SLC2A9: variants seen among roughly 807,000 people sequenced by gnomAD.
SLC2A9 encodes the protein solute carrier family 2, facilitated glucose transporter member 9.
SLC2A9 carries 39 observed loss-of-function variants against 50.6 expected under a neutral mutation model. The observed-to-expected ratio is 0.77, with a 90% CI of 0.60 to 1.01. SLC2A9 has a LOEUF of 1.01. Among genes scored for constraint, SLC2A9 ranks in the 50% least tolerant of loss-of-function variants. SLC2A9 has a pLI of 0.00. For synonymous variants in SLC2A9, 324 were observed against 276.9 expected (o/e 1.17, Z -1.69); for missense variants, 686 against 677.6 (o/e 1.01, Z -0.14).
At position 9,981,682 on chromosome 4, in the gene SLC2A9, T is replaced by G. The variant is rs114930336; in HGVS notation, c.536-945A>C. 9.4e-3 allele frequency among the ~76,000 whole-genome samples: 1,438 copies of G among 152,296 alleles called. 28 individuals are homozygous for G. Among genetic ancestry groups the G allele is most frequent in the African/African-American group, 0.033 (1,387 of 41,542 alleles). ...CTTGTCATAAATTATGGGACTCCGT[T>G]ATGGCAGATGCTATTATACTCATTT... On this transcript the variant is annotated intron_variant, in intron 4 of 11. Transcript: ENST00000264784.
At chr4:9,857,082 C>A (rs776084321) in intron 10 of SLC2A9, among the ~76,000 whole-genome samples, 1 of 152,070 alleles carries the variant, frequency 6.6e-6, no homozygotes. Flanking sequence ...ATATATCAAA[C>A]CTGCACATGT....
intron 7 of SLC2A9, among the ~76,000 whole-genome samples, chr4:9,912,137 T>C (rs1248983504): frequency 1.3e-5 from 2 of 152,054 alleles, no homozygotes; most frequent in African/African-American, 4.8e-5. Flanking sequence ...CCAGTGACTG[T>C]TCTGGGGTGG....
At chr4:9,922,087 T>A (rs966960156) in intron 6 of SLC2A9, among the ~76,000 whole-genome samples, 1 of 152,240 alleles carries the variant, frequency 6.6e-6, no homozygotes, top group Non-Finnish European at 1.5e-5. Context: ...ATGTCATTCC[T>A]TTTTATGGAT....
At chr4:9,903,951 A>G (rs1000034911) in intron 8 of SLC2A9, among the ~76,000 whole-genome samples, 4 of 148,060 alleles carry the variant, frequency 2.7e-5, no homozygotes, top group Non-Finnish European at 6.0e-5. Context: ...GTTTTCAAAT[A>G]CATAATATAT....
At chr4:9,795,371 T>C (rs1023993969), downstream of SLC2A9, among the ~76,000 whole-genome samples, 3 of 152,100 alleles carry the variant, frequency 2.0e-5, no homozygotes, top group African/African-American at 7.3e-5. Context: ...CTTGCTGTAC[T>C]GAGCAGTGAG....
intron 3 of SLC2A9, among the ~76,000 whole-genome samples, chr4:9,814,719 G>A (rs1723341749): frequency 6.6e-6 from 1 of 152,128 alleles, no homozygotes; most frequent in Admixed American, 6.5e-5. Context: ...GCTTCCTCAT[G>A]TGATGACATC....
intron 2 of SLC2A9, 108 bp from the exon 3 acceptor site, chr4:9,997,049 C>T: frequency 1.5e-6 from 2 of 1,295,106 alleles, no homozygotes; most frequent in Non-Finnish European, 2.2e-6. Context: ...TCATGCATAG[C>T]ACTTTGCTAA....
chr4:9,895,013 C>G (rs1738259262), intron 8 of SLC2A9, among the ~76,000 whole-genome samples: 1 of 152,100 alleles, frequency 6.6e-6, no homozygotes, highest in Non-Finnish European at 1.5e-5. Flanking sequence ...TTACTGATTT[C>G]AGTATTTTGA....
At chr4:9,873,705 G>C (rs1306363483) in intron 10 of SLC2A9, among the ~76,000 whole-genome samples, 3 of 152,212 alleles carry the variant, frequency 2.0e-5, no homozygotes, top group Non-Finnish European at 4.4e-5. Context: ...ATGTAGATAG[G>C]AGGAAATCAT....
intron 6 of SLC2A9, among the ~76,000 whole-genome samples, chr4:9,937,801 C>T (rs576757236): frequency 7.2e-5 from 11 of 152,280 alleles, no homozygotes; most frequent in Admixed American, 3.9e-4. Context: ...CTGGGTTCTG[C>T]GTTGGTTGTT....
chr4:9,810,765 A>G (rs571125883), intron 3 of SLC2A9, among the ~76,000 whole-genome samples: 10 of 152,348 alleles, frequency 6.6e-5, no homozygotes, highest in Non-Finnish European at 1.3e-4. Flanking sequence ...TTGGAGAGTT[A>G]TGCATTCATT....
intron 3 of SLC2A9, among the ~76,000 whole-genome samples, chr4:9,801,438 T>A (rs1219025263): frequency 6.6e-6 from 1 of 152,144 alleles, no homozygotes; most frequent in Admixed American, 6.5e-5. Flanking sequence ...TGAGGGTGTG[T>A]TTTTGAGCTG....
intron 3 of SLC2A9, among the ~76,000 whole-genome samples, chr4:9,815,348 G>A (rs927882032): frequency 6.6e-6 from 1 of 152,234 alleles, no homozygotes; most frequent in South Asian, 2.1e-4. Context: ...TTTGCCTTGT[G>A]CCCTTTCCTG....
intron 4 of SLC2A9, among the ~76,000 whole-genome samples, chr4:9,981,440 T>A (rs1268957603): frequency 6.6e-6 from 1 of 152,124 alleles, no homozygotes; most frequent in Non-Finnish European, 1.5e-5. Context: ...TTTATATGTA[T>A]TAACGTTATT....
At chr4:9,796,470 TATC>T (rs1338284110), downstream of SLC2A9, among the ~76,000 whole-genome samples, 2 of 152,200 alleles carry the variant, frequency 1.3e-5, no homozygotes, top group Non-Finnish European at 2.9e-5. Context: ...TGGAGATATT[TATC>T]ATGCCTCCTT....
intron 10 of SLC2A9, among the ~76,000 whole-genome samples, chr4:9,881,128 TG>T (rs1560231727): frequency 6.6e-6 from 1 of 152,242 alleles, no homozygotes; most frequent in Non-Finnish European, 1.5e-5. Flanking sequence ...ATGTTTGCTT[TG>T]GTTTTCTTTC....
At chr4:9,789,362 G>C (rs1719619605) in intron 3 of SLC2A9, among the ~76,000 whole-genome samples, 1 of 152,218 alleles carries the variant, frequency 6.6e-6, no homozygotes, top group Non-Finnish European at 1.5e-5. Context: ...TGGTCTTCTT[G>C]TGACTGTGTC....
intron 9 of SLC2A9, 55 bp downstream of exon 9, chr4:9,890,555 C>T (rs1737187442): frequency 6.5e-7 from 1 of 1,550,304 alleles, no homozygotes; most frequent in Non-Finnish European, 8.9e-7. Flanking sequence ...AACGATGAAG[C>T]CAGAAGTCAG....
intron 10 of SLC2A9, among the ~76,000 whole-genome samples, chr4:9,871,841 A>G (rs766993629): frequency 1.3e-5 from 2 of 152,198 alleles, no homozygotes; most frequent in Admixed American, 1.3e-4. Flanking sequence ...CTTCATGTGC[A>G]AAGTGGGAAT....
Sources: gnomAD v4.1 joint callset for allele counts (sites outside exome capture counted in the v4.1 genomes callset) on GRCh38, gnomAD v4.1.1 for gene constraint, MANE v1.5 for transcripts, NCBI Gene and HGNC (gene_info 2026-07-23, HGNC 2026-07-21) for gene names.